Variants in POFUT2 observed in about 807,000 individuals in gnomAD.
POFUT2 encodes the protein GDP-fucose protein O-fucosyltransferase 2.
POFUT2 carries 30 observed loss-of-function variants against 55.0 expected under a neutral mutation model. The ratio of observed to expected loss-of-function variants is 0.55; its 90% confidence interval spans 0.41 to 0.74. The LOEUF (loss-of-function observed/expected upper bound fraction) is 0.74. Among genes scored for constraint, POFUT2 ranks in the 30% least tolerant of loss-of-function variants. The probability of loss-of-function intolerance (pLI) is 0.00; values close to 1 mark genes in which losing one functional copy is unlikely to be tolerated. For synonymous variants in POFUT2, 267 were observed against 231.1 expected, an observed-to-expected ratio of 1.16 and a Z score of -1.41; for missense variants, 524 against 562.6, an observed-to-expected ratio of 0.93 and a Z score of 0.69.
At chr21:45,286,770 C>T (rs1274899376) in intron 1 of POFUT2, among the ~76,000 whole-genome samples, 4 of 152,262 alleles carry the variant, frequency 2.6e-5, no homozygotes, top group Non-Finnish European at 5.9e-5. Context: ...GTTTTCCATA[C>T]TCCCATCGTC....
chr21:45,269,392 T>C lies in POFUT2; in HGVS notation c.1012+447A>G, dbSNP rs573532420. Among the ~76,000 whole-genome samples, 38 of 152,132 alleles carry C rather than the reference T, an allele frequency of 2.5e-4. 1 individual carries two copies. The South Asian group carries it at 6.6e-3, about 27-fold the overall frequency. Reference sequence around the variant, plus strand: ...ATTGAGAAATCGGATGGTTGCCGTGTCTGTGTAGAAAGAAGTAGACATGGG... The same window carrying C: ...ATTGAGAAATCGGATGGTTGCCGTGCCTGTGTAGAAAGAAGTAGACATGGG... On this transcript the variant is annotated intron_variant, in intron 7 of 8. Transcript: ENST00000349485.
rs73907300 is a variant in POFUT2, at chr21:45,266,626, C to T, written c.1136+964G>A. ...CCTCCGCCCTGACCTAAGAAGTCAG[C>T]GCTGCATCCTGTCTGCTTAACAGGG... On this transcript the variant is annotated intron_variant, in intron 8 of 8. Transcript: ENST00000349485. 2,448 of 1,010,602 alleles carry T rather than the reference C, an allele frequency of 2.4e-3. 43 individuals are homozygous for T. The African/African-American group carries it at 0.035, about 15-fold the overall frequency. 62.6% of individuals were successfully genotyped at this position (1,010,602 alleles called of 1,614,324 possible).
chr21:45,283,309 GGGGGGGGGGGGACGCATGCGGCA>G, intron 3 of POFUT2, 51 bp downstream of exon 3: 2 of 78,338 alleles, frequency 2.6e-5, no homozygotes, highest in South Asian at 6.3e-4. Flanking sequence ...CGCCTGAGGC[GGGGGGGGGGGGACGCATGCGGCA>G]GGGGGAGGTG....
chr21:45,267,206 G>A lies in POFUT2; in HGVS notation c.1136+384C>T, dbSNP rs1050906638. 1.7e-5 allele frequency: 24 copies of A among 1,392,512 alleles called. No homozygotes were observed. The highest frequency in any genetic ancestry group is 6.1e-5 in the Admixed American group (2 of 32,934). 86.3% of individuals were successfully genotyped at this position (1,392,512 alleles called of 1,614,324 possible). A position where few individuals can be genotyped will look rare whatever the true frequency, so the allele number is the denominator to read the frequency against. ...CGCTCCCGGCCTCGGGGACGCTCACGGATGCTCAACAACACAGCAACAAGG... is the reference window on the plus strand; with the variant it reads ...CGCTCCCGGCCTCGGGGACGCTCACAGATGCTCAACAACACAGCAACAAGG... On this transcript the variant is annotated intron_variant, in intron 8 of 8. Coordinates refer to ENST00000349485, the MANE Select transcript of POFUT2 (RefSeq NM_133635.6). The surrounding 1 kb of genome is among the most constrained non-coding windows in gnomAD (Gnocchi z 4.4).
chr21:45,268,641 T>A (rs2093181608), intron 7 of POFUT2, among the ~76,000 whole-genome samples: 1 of 148,086 alleles, frequency 6.8e-6, no homozygotes, highest in African/African-American at 2.5e-5. Context: ...CGCCGCCCCA[T>A]CTGGGATGTG....
chr21:45,268,884 C>T (rs1249084085), intron 7 of POFUT2, among the ~76,000 whole-genome samples: 2 of 108,284 alleles, frequency 1.8e-5, no homozygotes, highest in African/African-American at 7.4e-5. Flanking sequence ...CCCCGGGCGG[C>T]CAGCCGCCCC....
At chr21:45,279,078 A>C (rs1173053543) in intron 4 of POFUT2, among the ~76,000 whole-genome samples, 1 of 152,226 alleles carries the variant, frequency 6.6e-6, no homozygotes, top group East Asian at 1.9e-4. Flanking sequence ...AAAACGCAGA[A>C]ATTTTTAAGG....
At position 45,267,218 on chromosome 21, in the gene POFUT2, A is replaced by C. The variant is rs2093164021; in HGVS notation, c.1136+372T>G. ...CGGGGACGCTCACGGATGCTCAACAACACAGCAACAAGGACATGCCCAAGT... is the reference window on the plus strand; with the variant it reads ...CGGGGACGCTCACGGATGCTCAACACCACAGCAACAAGGACATGCCCAAGT... On this transcript the variant is annotated intron_variant, in intron 8 of 8. Coordinates refer to ENST00000349485, the MANE Select transcript of POFUT2 (RefSeq NM_133635.6). The surrounding 1 kb of genome is among the most constrained non-coding windows in gnomAD (Gnocchi z 4.4). 1 of 1,411,272 alleles carries C rather than the reference A, an allele frequency of 7.1e-7. No individual in the cohort carries two copies. The allele number at this position is 1,411,272 out of a possible 1,614,324, so 87.4% of individuals were successfully genotyped here. A position where few individuals can be genotyped will look rare whatever the true frequency, so the allele number is the denominator to read the frequency against.
At chr21:45,266,765 G>A (rs764592085) in intron 8 of POFUT2, 19 of 996,402 alleles carry the variant, frequency 1.9e-5, no homozygotes, top group African/African-American at 1.2e-4. Flanking sequence ...GGCTCAGGGC[G>A]CTCAGCATTC....
Position 45,265,930 on chromosome 21 carries a change from C to T in POFUT2, c.1137-295G>A. 7.0e-6 allele frequency: 9 copies of T among 1,279,480 alleles called. 1 individual carries two copies. In the South Asian group the frequency reaches 1.2e-4, roughly 17 times the overall value. The allele number at this position is 1,279,480 out of a possible 1,614,324, so 79.3% of individuals were successfully genotyped here. On this transcript the variant is annotated intron_variant, in intron 8 of 8. Coordinates refer to ENST00000349485, the MANE Select transcript of POFUT2 (RefSeq NM_133635.6). This position sits in a 1 kb window ranked among gnomAD's most constrained non-coding sequence, Gnocchi z 4.6. ...ACCGCATGTCCCCCTGGGAGCCCTCCTCTCCGTCACCAAATCCCAGGCCAG... is the reference window on the plus strand; with the variant it reads ...ACCGCATGTCCCCCTGGGAGCCCTCTTCTCCGTCACCAAATCCCAGGCCAG...
Position 45,282,873 on chromosome 21 carries a change from A to G in POFUT2, c.528-414T>C. On this transcript the variant is annotated intron_variant, in intron 3 of 8. Coordinates refer to ENST00000349485, the MANE Select transcript of POFUT2 (RefSeq NM_133635.6). The surrounding 1 kb of genome is among the most constrained non-coding windows in gnomAD (Gnocchi z 4.6). Reference sequence around the variant, plus strand: ...GGCTGTTAACTGACAGCTTTTCCACAGGAGGCCTGGTAGTGTCAGAGCCTT... The same window carrying G: ...GGCTGTTAACTGACAGCTTTTCCACGGGAGGCCTGGTAGTGTCAGAGCCTT... The G allele has an allele frequency of 2.1e-6, 1 of 477,344 alleles. No homozygotes were observed. The highest frequency in any genetic ancestry group is 4.3e-6 in the Non-Finnish European group (1 of 231,600). The allele number at this position is 477,344 out of a possible 1,614,324, so 29.6% of individuals were successfully genotyped here.
intron 1 of POFUT2, among the ~76,000 whole-genome samples, chr21:45,287,196 G>GGCCCCTGCCCCT (rs1217709805): frequency 3.8e-4 from 23 of 60,764 alleles, no homozygotes; most frequent in African/African-American, 9.8e-4. Flanking sequence ...GCCCGGCCCC[G>GGCCCCTGCCCCT]GCCCCTGCCC....
At chr21:45,287,047 G>A (rs1261421528) in intron 1 of POFUT2, among the ~76,000 whole-genome samples, 1 of 151,990 alleles carries the variant, frequency 6.6e-6, no homozygotes, top group Non-Finnish European at 1.5e-5. Context: ...CCCCTTCCTG[G>A]GCTCCCGAGG....
rs961162399 is a variant in POFUT2, at chr21:45,265,382, C to T, written c.*100G>A. 9.7e-6 allele frequency: 11 copies of T among 1,135,970 alleles called. No individual in the cohort carries two copies. The highest frequency in any genetic ancestry group is 1.5e-5 in the South Asian group (1 of 67,092). 70.4% of individuals were successfully genotyped at this position (1,135,970 alleles called of 1,614,324 possible). On this transcript the variant is annotated 3_prime_UTR_variant, in exon 9 of 9. Transcript: ENST00000349485. The surrounding 1 kb of genome is among the most constrained non-coding windows in gnomAD (Gnocchi z 4.6). ...GGACCCTGCGAGGGACGGTCCTGTC[C>T]GCCCAGCTCCCGGCTGGCAGTAGAC...
chr21:45,283,564 C>G (rs756038367), intron 2 of POFUT2, 37 bp from the exon 3 acceptor site: 2 of 1,608,528 alleles, frequency 1.2e-6, no homozygotes, highest in South Asian at 2.2e-5. Context: ...AGTGTGACAG[C>G]GATCAGAAGC....
In POFUT2 at chr21:45,270,268, A is replaced by G. The variant is rs2093207288; in HGVS notation, c.832-249T>C. On this transcript the variant is annotated intron_variant, in intron 6 of 8. Coordinates refer to ENST00000349485, the MANE Select transcript of POFUT2 (RefSeq NM_133635.6). This position sits in a 1 kb window ranked among gnomAD's most constrained non-coding sequence, Gnocchi z 4.6. ...CTGAGGTAAAGAAAAATATTTAAAA[A>G]GAGAACAGCATGTGGAGGCTCACGC... Among the ~76,000 whole-genome samples, 1 of 152,232 alleles carries G rather than the reference A, an allele frequency of 6.6e-6. No homozygotes were observed. The highest frequency in any genetic ancestry group is 2.1e-4 in the South Asian group (1 of 4,826).
chr21:45,266,781 G>T (rs2093158757), intron 8 of POFUT2: 9 of 997,426 alleles, frequency 9.0e-6, no homozygotes, highest in Non-Finnish European at 9.6e-6. Context: ...CATTCCTCGG[G>T]CAGGAGAGAG....
chr21:45,282,485 C>CT lies in POFUT2; in HGVS notation c.528-27dup. On this transcript the variant is annotated intron_variant, in intron 3 of 8. Coordinates refer to ENST00000349485, the MANE Select transcript of POFUT2 (RefSeq NM_133635.6). The surrounding 1 kb of genome is among the most constrained non-coding windows in gnomAD (Gnocchi z 4.6). ...CTGGAAAACAAAACCCACAGCAGCTCTATCAGTTTATTTTGCTTTCACAAG... is the reference window on the plus strand; with the variant it reads ...CTGGAAAACAAAACCCACAGCAGCTCTTATCAGTTTATTTTGCTTTCACAAG... 1 of 1,347,214 alleles carries CT rather than the reference C, an allele frequency of 7.4e-7. No homozygotes were observed. The highest frequency in any genetic ancestry group is 1.1e-6 in the Non-Finnish European group (1 of 938,222). The allele number at this position is 1,347,214 out of a possible 1,614,324, so 83.5% of individuals were successfully genotyped here. A position where few individuals can be genotyped will look rare whatever the true frequency, so the allele number is the denominator to read the frequency against.
chr21:45,282,702 G>A lies in POFUT2; in HGVS notation c.528-243C>T, dbSNP rs775302961. On this transcript the variant is annotated intron_variant, in intron 3 of 8. Coordinates refer to ENST00000349485, the MANE Select transcript of POFUT2 (RefSeq NM_133635.6). The surrounding 1 kb of genome is among the most constrained non-coding windows in gnomAD (Gnocchi z 4.6). ...CATGATAGGGGCTGGCGGGATGGCC[G>A]GGGAGGCAGAGGGAGCCGGACAGAG... 11 of 552,750 alleles carry A rather than the reference G, an allele frequency of 2.0e-5. No individual in the cohort carries two copies. The highest frequency in any genetic ancestry group is 3.8e-5 in the African/African-American group (2 of 53,020). The allele number at this position is 552,750 out of a possible 1,614,324, so 34.2% of individuals were successfully genotyped here.
Sources: allele counts gnomAD v4.1 joint callset (sites outside exome capture counted in the v4.1 genomes callset), GRCh38; gene constraint gnomAD v4.1.1; non-coding constraint Gnocchi (gnomAD v3.1); transcripts MANE v1.5; gene names NCBI Gene and HGNC (gene_info 2026-07-23, HGNC 2026-07-21).